Variants in ZDHHC17 observed in about 807,000 individuals in gnomAD.
The protein encoded by ZDHHC17 is zDHHC palmitoyltransferase 17, also known as palmitoyltransferase ZDHHC17.
In ZDHHC17, 40 loss-of-function variants were observed where a neutral mutation model predicts 90.3. The ratio of observed to expected loss-of-function variants is 0.44; its 90% CI spans 0.34 to 0.58. The LOEUF is 0.58. ZDHHC17 is among the 20% of genes least tolerant of loss of function. ZDHHC17 has a pLI of 0.01. For missense variants in ZDHHC17, 614 were observed against 780.8 expected (o/e 0.79, Z 2.55); for synonymous variants, 235 against 252.4 (o/e 0.93, Z 0.65).
chr12:76,779,123 A>G (rs1388005612), intron 1 of ZDHHC17, among the ~76,000 whole-genome samples: 3 of 152,124 alleles, frequency 2.0e-5, no homozygotes, highest in Non-Finnish European at 2.9e-5. Flanking sequence ...GGGGGTATAC[A>G]TTTCAGCTGC....
intron 2 of ZDHHC17, among the ~76,000 whole-genome samples, chr12:76,797,769 C>T (rs1402967569): frequency 6.6e-6 from 1 of 151,788 alleles, no homozygotes; most frequent in African/African-American, 2.4e-5. Flanking sequence ...ATGGTGAAAC[C>T]CCGTCTCTAC....
At chr12:76,837,782 C>G (rs1408557886) in intron 10 of ZDHHC17, among the ~76,000 whole-genome samples, 1 of 151,964 alleles carries the variant, frequency 6.6e-6, no homozygotes, top group Non-Finnish European at 1.5e-5. Flanking sequence ...TCTTTGTCAT[C>G]TGTGTTCATA....
intron 8 of ZDHHC17, 33 bp downstream of exon 8, chr12:76,822,564 T>A: frequency 1.3e-6 from 2 of 1,517,962 alleles, no homozygotes; most frequent in Non-Finnish European, 1.8e-6. Flanking sequence ...TTTTTTTTTT[T>A]TTTTTTTGAG....
chr12:76,811,849 C>G (rs764639470), intron 5 of ZDHHC17, among the ~76,000 whole-genome samples: 3 of 152,038 alleles, frequency 2.0e-5, no homozygotes, highest in Non-Finnish European at 2.9e-5. Flanking sequence ...AAATCCAAAA[C>G]GTTTTGAGTG....
At chr12:76,769,460 C>G (rs1326424668) in intron 1 of ZDHHC17, among the ~76,000 whole-genome samples, 1 of 152,050 alleles carries the variant, frequency 6.6e-6, no homozygotes, top group African/African-American at 2.4e-5. Context: ...TGTATTTGTA[C>G]ACATATAAGG....
chr12:76,806,695 T>G (rs1340589042), intron 3 of ZDHHC17, among the ~76,000 whole-genome samples: 1 of 152,180 alleles, frequency 6.6e-6, no homozygotes, highest in Non-Finnish European at 1.5e-5. Context: ...GTATTTTTGG[T>G]AGAGACAGGG....
At chr12:76,778,064 A>G (rs1270095871) in intron 1 of ZDHHC17, among the ~76,000 whole-genome samples, 1 of 152,014 alleles carries the variant, frequency 6.6e-6, no homozygotes, top group Non-Finnish European at 1.5e-5. Context: ...TAAAGCAAAC[A>G]CTCCTGAAGG....
At chr12:76,813,474 C>T (rs1175715338) in intron 5 of ZDHHC17, 1 of 336,412 alleles carries the variant, frequency 3.0e-6, no homozygotes, top group African/African-American at 2.2e-5. Context: ...TAATGACATC[C>T]AAGGAAATGC....
At chr12:76,834,320 CA>C (rs1953339013) in intron 10 of ZDHHC17, among the ~76,000 whole-genome samples, 1 of 152,036 alleles carries the variant, frequency 6.6e-6, no homozygotes, top group Non-Finnish European at 1.5e-5. Flanking sequence ...GAAATATTGA[CA>C]AAAGTTTATT....
intron 1 of ZDHHC17, among the ~76,000 whole-genome samples, chr12:76,774,431 G>A (rs1039502424): frequency 1.9e-4 from 28 of 151,302 alleles, no homozygotes; most frequent in Admixed American, 3.9e-4. Flanking sequence ...ATGGAGATGA[G>A]TAGTCTCAGT....
chr12:76,836,432 C>T (rs1216719165), intron 10 of ZDHHC17, among the ~76,000 whole-genome samples: 2 of 151,494 alleles, frequency 1.3e-5, no homozygotes, highest in African/African-American at 4.8e-5. Context: ...CTGCTGTGCC[C>T]CCCTCTCATT....
At chr12:76,808,963 A>T (rs1952988149) in intron 3 of ZDHHC17, 80 bp from the exon 4 acceptor site, 2 of 827,488 alleles carry the variant, frequency 2.4e-6, no homozygotes, top group Non-Finnish European at 3.5e-6. Flanking sequence ...AATAGAAAAC[A>T]TGTATTTACA....
chr12:76,803,028 G>T (rs1952910349), intron 2 of ZDHHC17, among the ~76,000 whole-genome samples: 1 of 152,134 alleles, frequency 6.6e-6, no homozygotes, highest in Non-Finnish European at 1.5e-5. Context: ...GAGGTGGGCA[G>T]ATCGCTTGAG....
chr12:76,841,685 T>C (rs1023921624), intron 10 of ZDHHC17, among the ~76,000 whole-genome samples: 1 of 152,162 alleles, frequency 6.6e-6, no homozygotes, highest in African/African-American at 2.4e-5. Flanking sequence ...ATACATAAAG[T>C]ATATGTTAAT....
At chr12:76,822,677 C>A in intron 8 of ZDHHC17, 146 bp downstream of exon 8, 1 of 653,508 alleles carries the variant, frequency 1.5e-6, no homozygotes, top group Non-Finnish European at 2.6e-6. Flanking sequence ...GCCTCAGCCT[C>A]CTGAGTAGCT....
intron 2 of ZDHHC17, among the ~76,000 whole-genome samples, chr12:76,801,176 G>A (rs1252022743): frequency 2.7e-5 from 4 of 150,418 alleles, no homozygotes; most frequent in South Asian, 4.2e-4. Flanking sequence ...GAGAGCCACC[G>A]CACCTGGCCA....
Position 76,809,858 on chromosome 12 carries a change from G to A in ZDHHC17, c.543+1G>A. 6.2e-7 allele frequency: 1 copy of A among 1,608,582 alleles called. No homozygotes were observed. The highest frequency in any genetic ancestry group is 8.5e-7 in the Non-Finnish European group (1 of 1,177,198). On this transcript the variant is annotated splice_donor_variant, in intron 5 of 16. Transcript: ENST00000426126. LOFTEE classifies it high-confidence loss of function. The stretch of plus-strand genomic sequence containing the variant: ...TGCTTATCTCATAGCAAAAGGACAG[G>A]TAAAAAAAATCTCAGTGGTATGGAT...
chr12:76,850,953 C>G lies in ZDHHC17; in HGVS notation c.1867C>G (p.Gln623Glu), dbSNP rs749047468. Residue 623 changes from glutamine to glutamate, a missense_variant, in exon 17 of 17, where the codon CAA becomes GAA. Transcript: ENST00000426126. ...WTRQYTIEYD[Q>E]ISGSGYQLV ...CAGGCAGTATACAATAGAATATGAC[C>G]AAATATCAGGATCTGGGTACCAGCT... 37 of 1,613,662 alleles carry G rather than the reference C, an allele frequency of 2.3e-5. No homozygotes were observed. The highest frequency in any genetic ancestry group is 6.7e-5 in the Admixed American group (4 of 59,974).
At chr12:76,802,317 A>G (rs1952901112) in intron 2 of ZDHHC17, among the ~76,000 whole-genome samples, 1 of 152,184 alleles carries the variant, frequency 6.6e-6, no homozygotes, top group East Asian at 1.9e-4. Flanking sequence ...TCTTCTGATA[A>G]TCTTATTGAG....
Sources: allele counts gnomAD v4.1 joint callset (sites outside exome capture counted in the v4.1 genomes callset), GRCh38; gene constraint gnomAD v4.1.1; transcripts MANE v1.5; gene names NCBI Gene and HGNC (gene_info 2026-07-23, HGNC 2026-07-21).